MCPH1: variants seen among roughly 807,000 people sequenced by gnomAD.
MCPH1 encodes the protein microcephalin 1.
A neutral mutation model predicts 84.5 loss-of-function variants in MCPH1; 104 were observed. The observed-to-expected ratio is 1.23, with a 90% CI of 1.05 to 1.45. MCPH1 has a LOEUF of 1.45. Ranked by LOEUF, MCPH1 falls within the 40% of genes most tolerant of loss-of-function variation. MCPH1 has a pLI of 0.00. For synonymous variants in MCPH1, 514 were observed against 366.8 expected, an observed-to-expected ratio of 1.40 and a Z score of -4.58; for missense variants, 1,498 against 1,005.7, an observed-to-expected ratio of 1.49 and a Z score of -6.62.
intron 12 of MCPH1, among the ~76,000 whole-genome samples, chr8:6,613,847 GC>G (rs1830532707): frequency 1.3e-5 from 2 of 152,136 alleles, no homozygotes; most frequent in South Asian, 4.1e-4. Context: ...GGGCAGGGAT[GC>G]TTTTGATCGC....
At chr8:6,549,039 G>A (rs1223057802) in intron 12 of MCPH1, among the ~76,000 whole-genome samples, 2 of 152,210 alleles carry the variant, frequency 1.3e-5, no homozygotes, top group African/African-American at 4.8e-5. Flanking sequence ...AGACCACTCA[G>A]CGTATTTTCT....
intron 12 of MCPH1, among the ~76,000 whole-genome samples, chr8:6,539,596 C>CT (rs982967818): frequency 1.5e-4 from 23 of 151,506 alleles, no homozygotes; most frequent in Admixed American, 4.6e-4. Context: ...TTTTTATTGT[C>CT]TTTTTTTTGA....
intron 11 of MCPH1, among the ~76,000 whole-genome samples, chr8:6,497,814 T>C (rs1187214553): frequency 1.3e-5 from 2 of 152,214 alleles, no homozygotes; most frequent in African/African-American, 4.8e-5. Flanking sequence ...TTTCTATAGA[T>C]TAATTTGAAC....
intron 3 of MCPH1, among the ~76,000 whole-genome samples, chr8:6,422,728 G>A (rs566067857): frequency 6.6e-6 from 1 of 152,122 alleles, no homozygotes; most frequent in African/African-American, 2.4e-5. Flanking sequence ...TCACTCTCTT[G>A]CCCAAGCTGG....
chr8:6,610,337 C>T (rs980427335), intron 12 of MCPH1, among the ~76,000 whole-genome samples: 1 of 152,336 alleles, frequency 6.6e-6, no homozygotes, highest in East Asian at 1.9e-4. Flanking sequence ...TCATTTATGA[C>T]ATTTAACTTT....
At chr8:6,502,894 G>A in intron 12 of MCPH1, 1 of 564,780 alleles carries the variant, frequency 1.8e-6, no homozygotes, top group Non-Finnish European at 3.1e-6. Context: ...AATTATGGAT[G>A]TTTAGGGTCT....
Position 6,580,858 on chromosome 8 carries a change from T to C in MCPH1, c.2215-40596T>C, listed in dbSNP as rs1191530619. 2.0e-5 allele frequency among the ~76,000 whole-genome samples: 3 copies of C among 152,200 alleles called. No homozygotes were observed. In the East Asian group the frequency reaches 5.8e-4, roughly 29 times the overall value. On this transcript the variant is annotated intron_variant, in intron 12 of 13. Transcript: ENST00000344683. ...CTTTGCATTTAACATTTTTGTACAT[T>C]AAACGTTACTGATTCATAGTCAATG...
intron 11 of MCPH1, among the ~76,000 whole-genome samples, chr8:6,483,595 A>T (rs1809494265): frequency 6.6e-6 from 1 of 152,208 alleles, no homozygotes; most frequent in African/African-American, 2.4e-5. Context: ...GCAGTTGGAC[A>T]TACACAATCA....
Position 6,426,477 on chromosome 8 carries a change from G to C in MCPH1, c.234-5022G>C, listed in dbSNP as rs922498984. On this transcript the variant is annotated intron_variant, in intron 3 of 13. Coordinates refer to ENST00000344683, the MANE Select transcript of MCPH1 (RefSeq NM_024596.5). ...CTATTTTGTGCCTGACATCACTGAA[G>C]GTGATGTTTTTGCGATCTGTCCGTG... Among the ~76,000 whole-genome samples, 5 of 152,350 alleles carry C rather than the reference G, an allele frequency of 3.3e-5. No individual in the cohort carries two copies. The East Asian group carries it at 5.8e-4, about 18-fold the overall frequency.
At chr8:6,470,671 C>A (rs1807601978) in intron 9 of MCPH1, among the ~76,000 whole-genome samples, 1 of 152,184 alleles carries the variant, frequency 6.6e-6, no homozygotes, top group African/African-American at 2.4e-5. Flanking sequence ...ACAAGTAAAC[C>A]CATGAGTAAC....
At chr8:6,477,929 G>C (rs957021526) in intron 10 of MCPH1, among the ~76,000 whole-genome samples, 1 of 152,158 alleles carries the variant, frequency 6.6e-6, no homozygotes, top group African/African-American at 2.4e-5. Flanking sequence ...GAACATCATT[G>C]ACCAAAACAT....
At chr8:6,624,184 G>A (rs954043963) in intron 13 of MCPH1, among the ~76,000 whole-genome samples, 2 of 152,350 alleles carry the variant, frequency 1.3e-5, no homozygotes, top group Admixed American at 6.5e-5. Flanking sequence ...CTGAGGCTTC[G>A]ATCCCGCAAA....
chr8:6,483,066 G>A lies in MCPH1; in HGVS notation c.2136+2190G>A, dbSNP rs189813971. Among the ~76,000 whole-genome samples the A allele has an allele frequency of 7.2e-5, 11 of 152,322 alleles. No individual in the cohort carries two copies. In the East Asian group the frequency reaches 1.7e-3, roughly 24 times the overall value. ...AGCAATTAGAGGTGACAGCTGAGTT[G>A]AGCAAGTCATCCAGATGCAAGAATT... On this transcript the variant is annotated intron_variant, in intron 11 of 13. Coordinates refer to ENST00000344683, the MANE Select transcript of MCPH1 (RefSeq NM_024596.5).
intron 12 of MCPH1, among the ~76,000 whole-genome samples, chr8:6,524,869 C>T (rs570799686): frequency 3.3e-5 from 5 of 152,310 alleles, no homozygotes; most frequent in African/African-American, 9.6e-5. Flanking sequence ...TTTGGTGTCA[C>T]GAGCACCTTC....
chr8:6,592,266 C>T lies in MCPH1; in HGVS notation c.2215-29188C>T, dbSNP rs535249826. 7.9e-5 allele frequency among the ~76,000 whole-genome samples: 12 copies of T among 152,168 alleles called. No homozygotes were observed. The South Asian group carries it at 2.3e-3, about 29-fold the overall frequency. On this transcript the variant is annotated intron_variant, in intron 12 of 13. Transcript: ENST00000344683. ...TCTCGGGCTCAAGTGATCCTCCCAC[C>T]TCAGCCTCCCAAGTAGCTGGGACTA... is the stretch of plus-strand genomic sequence containing the variant.
chr8:6,575,304 A>T (rs1369706072), intron 12 of MCPH1, among the ~76,000 whole-genome samples: 1 of 152,230 alleles, frequency 6.6e-6, no homozygotes, highest in Non-Finnish European at 1.5e-5. Context: ...CATAAAGCTT[A>T]GCAATGTGGG....
chr8:6,431,800 G>A (rs1044831167), intron 4 of MCPH1, among the ~76,000 whole-genome samples: 2 of 152,182 alleles, frequency 1.3e-5, no homozygotes, highest in African/African-American at 4.8e-5. Context: ...AAATGGAAAA[G>A]CCTGTGGTTG....
chr8:6,616,943 G>A (rs1198039971), intron 12 of MCPH1: 3 of 152,084 alleles, frequency 2.0e-5, no homozygotes, highest in African/African-American at 7.2e-5. Context: ...GCCTGCTCAC[G>A]GCCTGCCACC....
In MCPH1 at chr8:6,445,433, T is replaced by C; in HGVS notation, c.1711T>C (p.Ser571Pro). The C allele has an allele frequency of 1.2e-6, 2 of 1,614,204 alleles. No individual in the cohort carries two copies. Among genetic ancestry groups the C allele is most frequent in the Non-Finnish European group, 1.7e-6 (2 of 1,180,046 alleles). Residue 571 changes from serine (S) to proline (P), a missense_variant, in exon 8 of 14, where the codon TCA becomes CCA. Coordinates refer to ENST00000344683, the MANE Select transcript of MCPH1 (RefSeq NM_024596.5). Reference protein sequence around the residue: ...TQNKGTTSKISNSSEGEAQSE... With the variant: ...TQNKGTTSKIPNSSEGEAQSE... The stretch of plus-strand genomic sequence containing the variant: ...GAACAAAGGTACCACTTCCAAAATA[T>C]CAAACTCCTCTGAAGGCGAAGCCCA...
Sources: gnomAD v4.1 joint callset for allele counts (sites outside exome capture counted in the v4.1 genomes callset) on GRCh38, gnomAD v4.1.1 for gene constraint, MANE v1.5 for transcripts, NCBI Gene and HGNC (gene_info 2026-07-23, HGNC 2026-07-21) for gene names.